The following ALPK1 variants were observed in gnomAD, a reference collection of about 807,000 sequenced individuals.
ALPK1 encodes alpha-protein kinase 1.
Under a neutral mutation model 120.6 loss-of-function variants are expected in ALPK1, and 110 were observed. The observed-to-expected ratio is 0.91, with a 90% CI of 0.78 to 1.07. The LOEUF (loss-of-function observed/expected upper bound fraction) is 1.07, where lower values mean the gene tolerates loss of function less well. Among genes scored for constraint, ALPK1 ranks in the 50% least tolerant of loss-of-function variants. The probability of loss-of-function intolerance (pLI) is 0.00; values close to 1 mark genes in which losing one functional copy is unlikely to be tolerated. For synonymous variants in ALPK1, 582 were observed against 560.3 expected (o/e 1.04, Z -0.55); for missense variants, 1,498 against 1,483.9 (o/e 1.01, Z -0.16).
intron 4 of ALPK1, among the ~76,000 whole-genome samples, chr4:112,393,356 G>A (rs959382003): frequency 2.0e-5 from 3 of 152,116 alleles, no homozygotes; most frequent in African/African-American, 7.2e-5. Flanking sequence ...ATTTGGGGAG[G>A]GGGTGTGGGG....
intron 2 of ALPK1, among the ~76,000 whole-genome samples, chr4:112,348,207 A>G (rs1035600396): frequency 6.6e-6 from 1 of 152,212 alleles, no homozygotes; most frequent in African/African-American, 2.4e-5. Context: ...TCATTTTCCA[A>G]ATCAGCCTGG....
chr4:112,406,351 T>C (rs1192844621), intron 4 of ALPK1, among the ~76,000 whole-genome samples: 1 of 152,228 alleles, frequency 6.6e-6, no homozygotes, highest in East Asian at 1.9e-4. Flanking sequence ...ACCTTGAATA[T>C]ATCATGCTAA....
intron 2 of ALPK1, among the ~76,000 whole-genome samples, chr4:112,320,897 CTTTT>C (rs397941407): frequency 2.4e-5 from 3 of 123,628 alleles, no homozygotes; most frequent in Admixed American, 9.1e-5. Context: ...CCATTTCTTT[CTTTT>C]TTTTTTTTTT....
intron 2 of ALPK1, among the ~76,000 whole-genome samples, chr4:112,347,745 A>C (rs780635849): frequency 1.3e-5 from 2 of 152,230 alleles, no homozygotes; most frequent in African/African-American, 4.8e-5. Context: ...GATACAGTGC[A>C]TCTTATTTGA....
At chr4:112,382,228 T>A (rs1356661501) in intron 3 of ALPK1, among the ~76,000 whole-genome samples, 170 bp from the exon 4 acceptor site, 1 of 152,064 alleles carries the variant, frequency 6.6e-6, no homozygotes, top group Admixed American at 6.5e-5. Context: ...CTCACTGTTA[T>A]TCTTTGAGTC....
chr4:112,426,098 C>A, intron 7 of ALPK1: 1 of 208,672 alleles, frequency 4.8e-6, no homozygotes, highest in South Asian at 1.2e-4. Flanking sequence ...TTCGTTCATT[C>A]CTTAAGGTAT....
intron 4 of ALPK1, among the ~76,000 whole-genome samples, chr4:112,408,884 A>C (rs1164834295): frequency 6.6e-6 from 1 of 152,176 alleles, no homozygotes; most frequent in Admixed American, 6.5e-5. Flanking sequence ...TTCTGGTTGG[A>C]AGGAACAGAA....
At chr4:112,417,019 A>G (rs1029728608) in intron 5 of ALPK1, among the ~76,000 whole-genome samples, 2 of 152,186 alleles carry the variant, frequency 1.3e-5, no homozygotes, top group African/African-American at 4.8e-5. Context: ...ACTAACAAAA[A>G]GTATCTTATC....
At chr4:112,320,957 C>T (rs560874864) in intron 2 of ALPK1, among the ~76,000 whole-genome samples, 19 of 137,906 alleles carry the variant, frequency 1.4e-4, no homozygotes, top group Admixed American at 6.6e-4. Context: ...TGTGCAGTGG[C>T]GCGAGCTTGG....
chr4:112,382,679 A>G (rs1731980039), intron 4 of ALPK1, 127 bp downstream of exon 4: 2 of 1,324,470 alleles, frequency 1.5e-6, no homozygotes, highest in South Asian at 2.6e-5. Flanking sequence ...CAGCTCTGCC[A>G]GATTGACTAA....
At chr4:112,316,584 A>G (rs1163609170) in intron 2 of ALPK1, among the ~76,000 whole-genome samples, 2 of 152,200 alleles carry the variant, frequency 1.3e-5, no homozygotes, top group African/African-American at 2.4e-5. Context: ...ACTGCCGTAC[A>G]GTGACAATAC....
At chr4:112,406,596 C>G (rs552985171) in intron 4 of ALPK1, among the ~76,000 whole-genome samples, 1 of 152,164 alleles carries the variant, frequency 6.6e-6, no homozygotes, top group African/African-American at 2.4e-5. Flanking sequence ...TCTTTCACCA[C>G]TAAACCAAGT....
rs1221006708 is a variant in ALPK1, at chr4:112,431,466, C to T, written c.1919C>T (p.Ser640Leu). 1 of 1,614,222 alleles carries T rather than the reference C, an allele frequency of 6.2e-7. No individual in the cohort carries two copies. Among genetic ancestry groups the T allele is most frequent in the Admixed American group, 1.7e-5 (1 of 60,026 alleles). ...GACAGGGAAGGCAGAGCTATGCATT[C>T]ATTGCATTCACAGCTTCATGATCTC... ...ENDREGRAMH[S>L]LHSQLHDLSL... The change falls in exon 11 of 16, where the codon TCA becomes TTA. Residue 640 changes from serine to leucine, a missense_variant. Transcript: ENST00000650871.
rs1734298720 is a variant in ALPK1 at position 112,427,675 on chromosome 4, A to G, written c.795+10A>G. ...TCCACAAATTAATTTGGTAATTATCATAACACTGAGTGGCATCACCTGTAA... is the reference window on the plus strand; with the variant it reads ...TCCACAAATTAATTTGGTAATTATCGTAACACTGAGTGGCATCACCTGTAA... On this transcript the variant is annotated intron_variant, in intron 9 of 15. Coordinates refer to ENST00000650871, the MANE Select transcript of ALPK1 (RefSeq NM_025144.4). 3 of 1,580,304 alleles carry G rather than the reference A, an allele frequency of 1.9e-6. No homozygotes were observed. The South Asian group carries it at 3.3e-5, about 17-fold the overall frequency.
intron 4 of ALPK1, among the ~76,000 whole-genome samples, chr4:112,409,224 G>A (rs1177052076): frequency 1.3e-5 from 2 of 152,072 alleles, no homozygotes; most frequent in Non-Finnish European, 2.9e-5. Flanking sequence ...TCGTGGGGTG[G>A]AGAAAAAAGG....
intron 4 of ALPK1, among the ~76,000 whole-genome samples, chr4:112,395,038 G>A (rs1732590076): frequency 6.6e-6 from 1 of 152,144 alleles, no homozygotes; most frequent in Admixed American, 6.5e-5. Flanking sequence ...GTTTATATGA[G>A]GTTGAACCAT....
intron 2 of ALPK1, among the ~76,000 whole-genome samples, chr4:112,376,286 C>A (rs548947958): frequency 6.6e-6 from 1 of 152,306 alleles, no homozygotes; most frequent in South Asian, 2.1e-4. Context: ...TGTATTTGAG[C>A]ACTCTGCTTG....
At chr4:112,311,026 C>G (rs1357115831) in intron 1 of ALPK1, among the ~76,000 whole-genome samples, 2 of 152,184 alleles carry the variant, frequency 1.3e-5, no homozygotes, top group Non-Finnish European at 2.9e-5. Context: ...GTGACTTGCA[C>G]AAGTTCACAC....
intron 4 of ALPK1, among the ~76,000 whole-genome samples, chr4:112,388,135 G>C (rs1732235012): frequency 6.6e-6 from 1 of 152,194 alleles, no homozygotes; most frequent in Non-Finnish European, 1.5e-5. Flanking sequence ...TGCATAGTCA[G>C]AATATTTTTT....
Sources: allele counts gnomAD v4.1 joint callset (sites outside exome capture counted in the v4.1 genomes callset), GRCh38; gene constraint gnomAD v4.1.1; transcripts MANE v1.5; gene names NCBI Gene and HGNC (gene_info 2026-07-23, HGNC 2026-07-21).